The following GSG1L variants were observed in gnomAD, a reference collection of about 807,000 sequenced individuals.
GSG1L encodes the protein germ cell-specific gene 1-like protein.
Under a neutral mutation model 42.1 loss-of-function variants are expected in GSG1L, and 24 were observed. The observed-to-expected ratio is 0.57, with a 90% confidence interval of 0.41 to 0.80. The LOEUF (loss-of-function observed/expected upper bound fraction) is 0.80. Ranked by LOEUF, GSG1L falls within the 30% of genes least tolerant of loss-of-function variation. GSG1L has a pLI of 0.00. For synonymous variants in GSG1L, 215 were observed against 203.5 expected (o/e 1.06, Z -0.48); for missense variants, 445 against 472.2 (o/e 0.94, Z 0.53).
intron 3 of GSG1L, among the ~76,000 whole-genome samples, chr16:27,870,829 C>T (rs1052454663): frequency 6.6e-6 from 1 of 151,360 alleles, no homozygotes; most frequent in Admixed American, 6.6e-5. Flanking sequence ...TTCTCTGGAG[C>T]CCATCCACAG....
intron 1 of GSG1L, among the ~76,000 whole-genome samples, chr16:28,062,662 C>A (rs149733744): frequency 6.6e-6 from 1 of 152,254 alleles, no homozygotes; most frequent in Non-Finnish European, 1.5e-5. Flanking sequence ...CCCCCAGGGG[C>A]GTTCCGGGGT....
Position 27,790,073 on chromosome 16 carries a change from T to C in GSG1L, c.*1297A>G, listed in dbSNP as rs144488959. ...GATGGCAAATGGATGGATGAATGGA[T>C]AGATGATGGATGGATGGAAGGATGG... On this transcript the variant is annotated 3_prime_UTR_variant, in exon 7 of 7. Coordinates refer to ENST00000447459, the MANE Select transcript of GSG1L (RefSeq NM_001109763.2). 1 of 151,018 alleles carries C rather than the reference T, an allele frequency of 6.6e-6. No individual in the cohort carries two copies. Among genetic ancestry groups the C allele is most frequent in the East Asian group, 2.0e-4 (1 of 5,118 alleles). 9.4% of individuals were successfully genotyped at this position (151,018 alleles called of 1,614,324 possible).
chr16:27,963,172 G>A lies in GSG1L; in HGVS notation c.381C>T (p.Ala127=). 1 of 1,613,814 alleles carries A rather than the reference G, an allele frequency of 6.2e-7. No individual in the cohort carries two copies. Among genetic ancestry groups the A allele is most frequent in the South Asian group, 1.1e-5 (1 of 91,060 alleles). The stretch of plus-strand genomic sequence containing the variant: ...CACACTCACCTTTCTCCGATGCCGG[G>A]GCCAGGTCAATGAAGCTGCGACATT... ...GEKCRSFIDL[A]PASEKGVLWL... is the part of the protein sequence containing the mutation. Residue 127 remains alanine (A), a synonymous_variant, in exon 2 of 7, where the codon GCC becomes GCT. Transcript: ENST00000447459.
chr16:27,916,006 C>A (rs548575691), intron 2 of GSG1L, among the ~76,000 whole-genome samples: 2 of 152,158 alleles, frequency 1.3e-5, no homozygotes, highest in South Asian at 2.1e-4. Context: ...GCTGCCATGA[C>A]GGGCCACTAA....
intron 1 of GSG1L, among the ~76,000 whole-genome samples, chr16:28,057,656 G>A (rs1252996878): frequency 6.7e-6 from 1 of 149,638 alleles, no homozygotes; most frequent in African/African-American, 2.6e-5. Flanking sequence ...CCTGTCTGCA[G>A]CCTCGGGTCA....
chr16:28,060,897 C>T (rs1485900157), intron 1 of GSG1L, among the ~76,000 whole-genome samples: 1 of 152,108 alleles, frequency 6.6e-6, no homozygotes, highest in Non-Finnish European at 1.5e-5. Flanking sequence ...ACTTAAATAT[C>T]CCAAGTCAAG....
intron 3 of GSG1L, among the ~76,000 whole-genome samples, chr16:27,861,342 A>T (rs894743366): frequency 1.3e-5 from 2 of 151,900 alleles, no homozygotes; most frequent in Non-Finnish European, 2.9e-5. Context: ...GCGCCAGTGC[A>T]CTCTAGCCTG....
intron 2 of GSG1L, among the ~76,000 whole-genome samples, chr16:27,944,187 C>T (rs2084836947): frequency 6.6e-6 from 1 of 152,064 alleles, no homozygotes; most frequent in African/African-American, 2.4e-5. Flanking sequence ...ATTTGTCAGG[C>T]TATATATGTA....
intron 1 of GSG1L, among the ~76,000 whole-genome samples, chr16:28,028,424 T>C (rs1161200152): frequency 6.6e-6 from 1 of 152,046 alleles, no homozygotes; most frequent in African/African-American, 2.4e-5. Context: ...GATTGGAACC[T>C]AGGCCTACGA....
chr16:27,924,355 CAA>C (rs1341949923), intron 2 of GSG1L, among the ~76,000 whole-genome samples: 1 of 151,918 alleles, frequency 6.6e-6, no homozygotes, highest in Non-Finnish European at 1.5e-5. Flanking sequence ...CTAAAGGTTG[CAA>C]GAGAGAGAGA....
At chr16:28,043,564 C>G (rs941933892) in intron 1 of GSG1L, among the ~76,000 whole-genome samples, 1 of 152,128 alleles carries the variant, frequency 6.6e-6, no homozygotes, top group Non-Finnish European at 1.5e-5. Context: ...CATGGATAGC[C>G]TGGATGGATG....
At chr16:27,897,760 C>G (rs555541011) in intron 2 of GSG1L, among the ~76,000 whole-genome samples, 21 of 152,324 alleles carry the variant, frequency 1.4e-4, no homozygotes, top group African/African-American at 4.6e-4. Flanking sequence ...GACTTGAGGT[C>G]AAACAGACAT....
intron 6 of GSG1L, among the ~76,000 whole-genome samples, chr16:27,793,237 A>G (rs1418565016): frequency 6.6e-6 from 1 of 152,212 alleles, no homozygotes; most frequent in Admixed American, 6.5e-5. Context: ...AGAGTCAAAG[A>G]GGAAGATGGT....
intron 2 of GSG1L, among the ~76,000 whole-genome samples, chr16:27,956,963 G>A (rs556440409): frequency 1.3e-5 from 2 of 152,330 alleles, no homozygotes; most frequent in African/African-American, 4.8e-5. Context: ...TTGCCCTAGT[G>A]AATAAATGAC....
chr16:28,027,437 G>T (rs1408323657), intron 1 of GSG1L, among the ~76,000 whole-genome samples: 1 of 152,126 alleles, frequency 6.6e-6, no homozygotes, highest in Admixed American at 6.5e-5. Flanking sequence ...GCTTATGAGG[G>T]GCCACGTTAA....
chr16:27,822,476 G>T (rs755750021), intron 5 of GSG1L, among the ~76,000 whole-genome samples: 1 of 152,082 alleles, frequency 6.6e-6, no homozygotes, highest in Non-Finnish European at 1.5e-5. Context: ...GAGAGCAGCG[G>T]CGCCATCATA....
At chr16:27,836,021 A>T (rs1320306015) in intron 4 of GSG1L, among the ~76,000 whole-genome samples, 1 of 152,150 alleles carries the variant, frequency 6.6e-6, no homozygotes, top group Admixed American at 6.5e-5. Context: ...CTTTTAGGGT[A>T]GGTCTGCTGG....
At position 27,947,404 on chromosome 16, in the gene GSG1L, GAAAGAAAGAA is replaced by G. The variant is rs1332024452; in HGVS notation, c.397+15742_397+15751del. ...AAAGAAAAAGAAAGAAAGAAAGAAA[GAAAGAAAGAA>G]AGAAAGAAAGAAAGAGAAGGAAGGA... is the stretch of plus-strand genomic sequence containing the variant. On this transcript the variant is annotated intron_variant, in intron 2 of 6. Coordinates refer to ENST00000447459, the MANE Select transcript of GSG1L (RefSeq NM_001109763.2). 3.8e-4 allele frequency among the ~76,000 whole-genome samples: 54 copies of G among 140,486 alleles called. 2 individuals are homozygous for G. In the South Asian group the frequency reaches 0.012, roughly 30 times the overall value. 92.2% of individuals were successfully genotyped at this position (140,486 alleles called of 152,430 possible).
chr16:27,944,550 A>C (rs1249902059), intron 2 of GSG1L, among the ~76,000 whole-genome samples: 4 of 150,452 alleles, frequency 2.7e-5, no homozygotes, highest in African/African-American at 9.8e-5. Context: ...TGAACCCAGG[A>C]GGTGGAGGTT....
Sources: gnomAD v4.1 joint callset for allele counts (sites outside exome capture counted in the v4.1 genomes callset) on GRCh38, gnomAD v4.1.1 for gene constraint, MANE v1.5 for transcripts, NCBI Gene and HGNC (gene_info 2026-07-23, HGNC 2026-07-21) for gene names.